Variants in ROBO1 observed in about 807,000 individuals in gnomAD.
The protein encoded by ROBO1 is roundabout guidance receptor 1, also known as roundabout homolog 1.
A neutral mutation model predicts 195.9 loss-of-function variants in ROBO1; 149 were observed. The ratio of observed to expected loss-of-function variants is 0.76; its 90% confidence interval spans 0.67 to 0.87. ROBO1 has a LOEUF of 0.87. Ranked by LOEUF, ROBO1 falls within the 40% of genes least tolerant of loss-of-function variation. The pLI is 0.00. For synonymous variants in ROBO1, 816 were observed against 733.2 expected, an observed-to-expected ratio of 1.11 and a Z score of -1.82; for missense variants, 1,933 against 2,068.3, an observed-to-expected ratio of 0.93 and a Z score of 1.27.
intron 2 of ROBO1, among the ~76,000 whole-genome samples, chr3:79,226,780 C>CA (rs769416448): frequency 2.6e-5 from 4 of 152,124 alleles, no homozygotes; most frequent in Non-Finnish European, 5.9e-5. Context: ...CTGCTGAACT[C>CA]AAGCAGTCCT....
chr3:79,141,978 T>C (rs1429386527), intron 2 of ROBO1, among the ~76,000 whole-genome samples: 4 of 152,154 alleles, frequency 2.6e-5, no homozygotes, highest in East Asian at 1.9e-4. Context: ...TTGTGGTTTT[T>C]TTTGTGGGGA....
intron 4 of ROBO1, among the ~76,000 whole-genome samples, chr3:78,779,514 C>T (rs2083608673): frequency 6.6e-6 from 1 of 152,164 alleles, no homozygotes; most frequent in Admixed American, 6.5e-5. Flanking sequence ...AAAAGCTCAC[C>T]ATCACTGGCC....
intron 2 of ROBO1, chr3:79,533,083 T>G (rs1191403330): frequency 2.3e-6 from 1 of 442,196 alleles, no homozygotes; most frequent in African/African-American, 2.0e-5. Context: ...TACAGAATTT[T>G]TCTTGGTTCT....
At chr3:78,711,023 C>T (rs1278822959) in intron 8 of ROBO1, among the ~76,000 whole-genome samples, 1 of 152,202 alleles carries the variant, frequency 6.6e-6, no homozygotes, top group Non-Finnish European at 1.5e-5. Context: ...GTTCCCTTTT[C>T]ACCTCCATTC....
chr3:79,029,949 A>G (rs1359134913), intron 3 of ROBO1, among the ~76,000 whole-genome samples: 1 of 152,168 alleles, frequency 6.6e-6, no homozygotes, highest in Non-Finnish European at 1.5e-5. Context: ...TTGCTTACCA[A>G]TGGTATTTTC....
rs531484150 is a variant in ROBO1, at chr3:78,644,497, G to A, written c.2882+1651C>T. Among the ~76,000 whole-genome samples the A allele has an allele frequency of 3.9e-5, 6 of 152,146 alleles. No homozygotes were observed. In the South Asian group the frequency reaches 1.0e-3, roughly 26 times the overall value. ...AAATCTTTATTGAACTGTTGCCTCCGTAACATCCCAACATCGTTTAGCATT... is the reference window on the plus strand; with the variant it reads ...AAATCTTTATTGAACTGTTGCCTCCATAACATCCCAACATCGTTTAGCATT... On this transcript the variant is annotated intron_variant, in intron 21 of 30. Transcript: ENST00000464233.
rs149594944 is a variant in ROBO1, at chr3:79,730,999, G to A, written c.-51+36753C>T. On this transcript the variant is annotated intron_variant, in intron 1 of 30. Transcript: ENST00000464233. ...TCACTGTGTTAGCCAGGATGGTCTC[G>A]ATCTCCTGACCTCGTGATCCGTGTT... is the stretch of plus-strand genomic sequence containing the variant. Among the ~76,000 whole-genome samples, 165 of 151,936 alleles carry A rather than the reference G, an allele frequency of 1.1e-3. 4 individuals carry two copies. In the East Asian group the frequency reaches 0.025, roughly 23 times the overall value.
chr3:78,822,479 C>A (rs368932865), intron 4 of ROBO1, among the ~76,000 whole-genome samples: 1 of 152,074 alleles, frequency 6.6e-6, no homozygotes, highest in Non-Finnish European at 1.5e-5. Flanking sequence ...GACACAGTCC[C>A]GGCACATCCA....
intron 4 of ROBO1, among the ~76,000 whole-genome samples, chr3:78,793,259 A>C (rs1202746510): frequency 1.3e-5 from 2 of 152,200 alleles, no homozygotes; most frequent in Non-Finnish European, 2.9e-5. Flanking sequence ...CGAGTTCATT[A>C]AATCTCAAAA....
intron 3 of ROBO1, among the ~76,000 whole-genome samples, chr3:78,994,856 T>G (rs1027519434): frequency 6.6e-6 from 1 of 152,086 alleles, no homozygotes; most frequent in Non-Finnish European, 1.5e-5. Context: ...ACTGTCTCAG[T>G]GAAAAGTATA....
At chr3:78,769,515 T>C (rs1483856195) in intron 4 of ROBO1, among the ~76,000 whole-genome samples, 2 of 152,236 alleles carry the variant, frequency 1.3e-5, no homozygotes, top group East Asian at 3.9e-4. Flanking sequence ...TCTGTGGGTC[T>C]GTATCTTTTA....
intron 2 of ROBO1, among the ~76,000 whole-genome samples, chr3:79,266,101 A>AT (rs1459118229): frequency 2.0e-5 from 3 of 151,560 alleles, no homozygotes; most frequent in African/African-American, 7.2e-5. Context: ...CCCATGAGCT[A>AT]TTATATGCAC....
chr3:78,648,780 T>C (rs1706459557), intron 19 of ROBO1, among the ~76,000 whole-genome samples: 1 of 152,106 alleles, frequency 6.6e-6, no homozygotes, highest in South Asian at 2.1e-4. Flanking sequence ...ATTGATTACT[T>C]ATCATGTATC....
intron 4 of ROBO1, among the ~76,000 whole-genome samples, chr3:78,820,053 G>A (rs1362965550): frequency 2.6e-5 from 4 of 151,992 alleles, no homozygotes; most frequent in Non-Finnish European, 1.5e-5. Flanking sequence ...GAGTACAATC[G>A]AAAAAGGGAT....
chr3:79,623,226 C>G (rs564224587), intron 1 of ROBO1, among the ~76,000 whole-genome samples: 2 of 152,258 alleles, frequency 1.3e-5, no homozygotes, highest in South Asian at 4.1e-4. Context: ...TAGACAAACT[C>G]ACAAGGATGA....
intron 3 of ROBO1, among the ~76,000 whole-genome samples, chr3:79,084,236 C>G (rs555010351): frequency 2.0e-5 from 3 of 152,262 alleles, no homozygotes; most frequent in African/African-American, 7.2e-5. Flanking sequence ...CGGTGGCTCA[C>G]GCCTGTAATC....
At chr3:78,901,361 A>G (rs1373699983) in intron 4 of ROBO1, among the ~76,000 whole-genome samples, 2 of 152,220 alleles carry the variant, frequency 1.3e-5, no homozygotes, top group African/African-American at 2.4e-5. Flanking sequence ...GATTAGAGAC[A>G]GCAAAAGTTT....
Position 79,615,050 on chromosome 3 carries a change from A to G in ROBO1, c.-50-25089T>C, listed in dbSNP as rs149847883. The stretch of plus-strand genomic sequence containing the variant: ...GGAATTCCAAAAATAACCTGAAACA[A>G]GAGTATAGGCCATAATGGGAACAAG... On this transcript the variant is annotated intron_variant, in intron 1 of 30. Transcript: ENST00000464233. 4.3e-4 allele frequency among the ~76,000 whole-genome samples: 66 copies of G among 152,286 alleles called. No homozygotes were observed. In the East Asian group the frequency reaches 0.012, roughly 28 times the overall value.
intron 4 of ROBO1, among the ~76,000 whole-genome samples, chr3:78,920,108 C>G (rs1482957011): frequency 6.6e-6 from 1 of 152,162 alleles, no homozygotes; most frequent in Non-Finnish European, 1.5e-5. Flanking sequence ...AACATACTGA[C>G]TACTATAGTA....
Sources: gnomAD v4.1 joint callset for allele counts (sites outside exome capture counted in the v4.1 genomes callset) on GRCh38, gnomAD v4.1.1 for gene constraint, MANE v1.5 for transcripts, NCBI Gene and HGNC (gene_info 2026-07-23, HGNC 2026-07-21) for gene names.